LRP5: variants seen among roughly 807,000 people sequenced by gnomAD.
The protein encoded by LRP5 is low-density lipoprotein receptor-related protein 5.
Under a neutral mutation model 154.1 loss-of-function variants are expected in LRP5, and 62 were observed. That is an observed-to-expected ratio of 0.40 (90% CI 0.33 to 0.50). The LOEUF (loss-of-function observed/expected upper bound fraction) is 0.50, where lower values mean the gene tolerates loss of function less well. Ranked by LOEUF, LRP5 falls within the 20% of genes least tolerant of loss-of-function variation. The pLI, the probability that LRP5 is intolerant of heterozygous loss-of-function variation, is 0.55. For missense variants in LRP5, 1,915 were observed against 2,336.7 expected (o/e 0.82, Z 3.72); for synonymous variants, 966 against 1,011.5 (o/e 0.96, Z 0.85).
intron 5 of LRP5, among the ~76,000 whole-genome samples, chr11:68,366,606 G>A (rs990053903): frequency 2.6e-5 from 4 of 152,116 alleles, no homozygotes; most frequent in East Asian, 3.9e-4. Flanking sequence ...GGGGTCCTGC[G>A]TTTGGTGAGG....
At chr11:68,406,174 C>T (rs767092121) in intron 8 of LRP5, among the ~76,000 whole-genome samples, 1 of 152,218 alleles carries the variant, frequency 6.6e-6, no homozygotes, top group African/African-American at 2.4e-5. Context: ...AGTCAGAGCC[C>T]GCACTGCTGT....
chr11:68,348,919 G>A (rs184151781), intron 2 of LRP5, among the ~76,000 whole-genome samples: 3 of 151,530 alleles, frequency 2.0e-5, no homozygotes, highest in Non-Finnish European at 4.4e-5. Flanking sequence ...ACTCCAGCCT[G>A]GGCGACAAAG....
At chr11:68,304,959 A>G in the LRP5 span, among the ~76,000 whole-genome samples, 6 of 152,238 alleles carry the variant, frequency 3.9e-5, no homozygotes, top group African/African-American at 9.6e-5. Flanking sequence ...GGACTTGGGA[A>G]TGGGATTTTT....
chr11:68,406,047 C>A (rs1375340995), intron 8 of LRP5, among the ~76,000 whole-genome samples: 1 of 152,246 alleles, frequency 6.6e-6, no homozygotes, highest in Non-Finnish European at 1.5e-5. Context: ...AGCCTTGCTG[C>A]ACTTTAGTTT....
intron 5 of LRP5, among the ~76,000 whole-genome samples, chr11:68,366,148 G>A (rs921824946): frequency 3.9e-5 from 6 of 152,142 alleles, no homozygotes; most frequent in African/African-American, 1.4e-4. Context: ...AGCCAGTCTG[G>A]CCTCTGGGGC....
At chr11:68,354,708 G>A (rs1213139175) in intron 2 of LRP5, among the ~76,000 whole-genome samples, 3 of 152,244 alleles carry the variant, frequency 2.0e-5, no homozygotes, top group African/African-American at 2.4e-5. Context: ...CGGGCCCTCA[G>A]CAGACACCAA....
intron 1 of LRP5, among the ~76,000 whole-genome samples, chr11:68,345,652 G>C (rs2098612311): frequency 6.6e-6 from 1 of 152,192 alleles, no homozygotes; most frequent in Non-Finnish European, 1.5e-5. Flanking sequence ...ATCTGATTGT[G>C]TCCCTGTTTT....
chr11:68,302,616 G>A, the LRP5 span, among the ~76,000 whole-genome samples: 30 of 152,210 alleles, frequency 2.0e-4, no homozygotes, highest in Admixed American at 7.2e-4. Context: ...TAACAGCGGA[G>A]TGGGTGAGGC....
rs1319364083 is a variant in LRP5, at chr11:68,389,472, T to C, written c.1413-409T>C. On this transcript the variant is annotated intron_variant, in intron 6 of 22. Transcript: ENST00000294304. The stretch of plus-strand genomic sequence containing the variant: ...GATATCTACTGACACTGGCATCTAC[T>C]GACACCAACATTTACCAACACCAGC... 8.6e-5 allele frequency among the ~76,000 whole-genome samples: 13 copies of C among 151,866 alleles called. 1 individual carries two copies. The highest frequency in any genetic ancestry group is 3.1e-4 in the African/African-American group (13 of 41,364).
Position 68,410,066 on chromosome 11 carries a change from C to T in LRP5, c.2244C>T (p.Asp748=), listed in dbSNP as rs142986090. The change falls in exon 10 of 23, where the codon GAC becomes GAT. Residue 748 remains aspartate (D), a synonymous_variant. Transcript: ENST00000294304. ...ACAGAATCGAAGTGGCGCGGCTGGACGGGCAGTTCCGGCAAGTCCTCGTGT... is the reference window on the plus strand; with the variant it reads ...ACAGAATCGAAGTGGCGCGGCTGGATGGGCAGTTCCGGCAAGTCCTCGTGT... The part of the protein sequence containing the change: ...GTNRIEVARL[D]GQFRQVLVWR... The T allele has an allele frequency of 2.0e-5, 33 of 1,613,994 alleles. 1 individual carries two copies. In the South Asian group the frequency reaches 2.3e-4, roughly 11 times the overall value.
chr11:68,362,526 A>G (rs184311354), intron 3 of LRP5, among the ~76,000 whole-genome samples: 2 of 152,158 alleles, frequency 1.3e-5, no homozygotes, highest in East Asian at 3.9e-4. Flanking sequence ...TCTACCAAAA[A>G]GATACCCCCC....
At chr11:68,421,331 C>T (rs906864275) in intron 13 of LRP5, among the ~76,000 whole-genome samples, 4 of 152,100 alleles carry the variant, frequency 2.6e-5, no homozygotes, top group East Asian at 1.9e-4. Flanking sequence ...TTTTTGTGCC[C>T]GGGAGGAGTG....
intron 1 of LRP5, among the ~76,000 whole-genome samples, chr11:68,339,406 G>C (rs144905297): frequency 0.012 from 1,884 of 152,176 alleles, 32 homozygotes; most frequent in African/African-American, 0.043. Flanking sequence ...GGAGTGCAGT[G>C]GTGCAATCTC....
chr11:68,344,847 CTCTTT>C lies in LRP5; in HGVS notation c.92-2998_92-2994del, dbSNP rs1263019999. Among the ~76,000 whole-genome samples, 77 of 117,964 alleles carry C rather than the reference CTCTTT, an allele frequency of 6.5e-4. 1 individual carries two copies. The highest frequency in any genetic ancestry group is 2.3e-3 in the African/African-American group (71 of 30,326). The allele number at this position is 117,964 out of a possible 152,430, so 77.4% of individuals were successfully genotyped here. A position where few individuals can be genotyped will look rare whatever the true frequency, so the allele number is the denominator to read the frequency against. On this transcript the variant is annotated intron_variant, in intron 1 of 22. Transcript: ENST00000294304. ...TGTTGTAGCATGTGTCAGAATCTCT[CTCTTT>C]TTTTTTTTTTTTTTTTTTTTTTTTT...
At chr11:68,418,079 A>G (rs1437866070) in intron 13 of LRP5, among the ~76,000 whole-genome samples, 1 of 152,214 alleles carries the variant, frequency 6.6e-6, no homozygotes, top group Non-Finnish European at 1.5e-5. Context: ...CAACAGGTTC[A>G]TTAGTGTAGA....
chr11:68,420,705 CAAA>C (rs757093353), intron 13 of LRP5, among the ~76,000 whole-genome samples: 1 of 135,240 alleles, frequency 7.4e-6, no homozygotes, highest in African/African-American at 2.7e-5. Context: ...CTTCCTGTCT[CAAA>C]AAAAAAAAAA....
At chr11:68,368,472 G>A (rs769925119) in intron 5 of LRP5, among the ~76,000 whole-genome samples, 145 of 152,262 alleles carry the variant, frequency 9.5e-4, no homozygotes, top group Non-Finnish European at 1.9e-3. Context: ...CACGGGCTGT[G>A]TGACCTGTGT....
intron 7 of LRP5, among the ~76,000 whole-genome samples, chr11:68,401,071 G>A (rs1464803702): frequency 6.6e-6 from 1 of 152,190 alleles, no homozygotes; most frequent in Admixed American, 6.5e-5. Flanking sequence ...GCTACTGTGA[G>A]CCCCTCCTCT....
At chr11:68,418,556 C>T (rs894797779) in intron 13 of LRP5, among the ~76,000 whole-genome samples, 5 of 152,178 alleles carry the variant, frequency 3.3e-5, no homozygotes, top group Non-Finnish European at 7.3e-5. Context: ...TGTCCGCCGT[C>T]GGTTTCGCTG....
Sources: gnomAD v4.1 joint callset for allele counts (sites outside exome capture counted in the v4.1 genomes callset) on GRCh38, gnomAD v4.1.1 for gene constraint, MANE v1.5 for transcripts, NCBI Gene and HGNC (gene_info 2026-07-23, HGNC 2026-07-21) for gene names.